The following PTPN13 variants were observed in gnomAD, a reference collection of about 807,000 sequenced individuals.
The protein encoded by PTPN13 is protein tyrosine phosphatase non-receptor type 13, also known as tyrosine-protein phosphatase non-receptor type 13.
A neutral mutation model predicts 284.0 loss-of-function variants in PTPN13; 191 were observed. The ratio of observed to expected loss-of-function variants is 0.67; its 90% confidence interval spans 0.60 to 0.76. The LOEUF is 0.76. PTPN13 is among the 30% of genes least tolerant of loss of function. PTPN13 has a pLI of 0.00. For missense variants in PTPN13, 2,797 were observed against 2,939.9 expected, an observed-to-expected ratio of 0.95 and a Z score of 1.12; for synonymous variants, 986 against 1,022.3, an observed-to-expected ratio of 0.96 and a Z score of 0.68.
chr4:86,814,574 A>T lies in PTPN13; in HGVS notation c.*23A>T, dbSNP rs1383892875. The stretch of plus-strand genomic sequence containing the variant: ...TGACATGAAAAGAGCCTCTGGATGC[A>T]TTTCCATTTCTCTCCTTAACCTCCA... On this transcript the variant is annotated 3_prime_UTR_variant, in exon 48 of 48. Coordinates refer to ENST00000411767, the MANE Select transcript of PTPN13 (RefSeq NM_080683.3). The T allele has an allele frequency of 6.4e-7, 1 of 1,564,116 alleles. No homozygotes were observed. Among genetic ancestry groups the T allele is most frequent in the Non-Finnish European group, 8.8e-7 (1 of 1,135,626 alleles).
At chr4:86,812,127 G>A (rs1407327854) in intron 47 of PTPN13, among the ~76,000 whole-genome samples, 2 of 151,494 alleles carry the variant, frequency 1.3e-5, no homozygotes, top group African/African-American at 2.4e-5. Flanking sequence ...CGGCTAAAAC[G>A]GTGAAACCCC....
chr4:86,731,650 T>C (rs747855442), intron 10 of PTPN13, among the ~76,000 whole-genome samples: 2 of 152,196 alleles, frequency 1.3e-5, no homozygotes, highest in African/African-American at 4.8e-5. Flanking sequence ...TGTTTGCTTT[T>C]AATTTTTTTT....
chr4:86,732,366 T>C, intron 10 of PTPN13, 34 bp from the exon 11 acceptor site: 1 of 1,470,118 alleles, frequency 6.8e-7, no homozygotes, highest in Non-Finnish European at 9.2e-7. Flanking sequence ...GAATAAATAG[T>C]AAAAAATATT....
intron 39 of PTPN13, among the ~76,000 whole-genome samples, 177 bp from the exon 40 acceptor site, chr4:86,785,671 C>A (rs13109164): frequency 0.1 from 15,152 of 152,106 alleles, 876 homozygotes; most frequent in Non-Finnish European, 0.11. Context: ...ATAATTTTAA[C>A]CAGAAATTTT....
At chr4:86,612,811 C>T (rs184439066) in intron 1 of PTPN13, among the ~76,000 whole-genome samples, 163 of 152,286 alleles carry the variant, frequency 1.1e-3, no homozygotes, top group Non-Finnish European at 1.2e-3. Flanking sequence ...AAGAAGAAGG[C>T]ATAGTGACAT....
At chr4:86,612,716 G>A (rs1379409942) in intron 1 of PTPN13, among the ~76,000 whole-genome samples, 1 of 152,196 alleles carries the variant, frequency 6.6e-6, no homozygotes, top group African/African-American at 2.4e-5. Flanking sequence ...AAGCGAGCAT[G>A]TGGGACAGAG....
chr4:86,727,558 A>G lies in PTPN13; in HGVS notation c.1609-4842A>G, dbSNP rs942210768. Among the ~76,000 whole-genome samples the G allele has an allele frequency of 4.7e-5, 7 of 149,486 alleles. 1 individual carries two copies. In the South Asian group the frequency reaches 6.3e-4, roughly 13 times the overall value. On this transcript the variant is annotated intron_variant, in intron 10 of 47. Transcript: ENST00000411767. ...TAGTCTTGGGAGGGTGTATGTGTCC[A>G]GGAATTCATCCATTTCTTCTAGATT...
At chr4:86,688,542 A>G (rs1729673447) in intron 4 of PTPN13, among the ~76,000 whole-genome samples, 1 of 152,060 alleles carries the variant, frequency 6.6e-6, no homozygotes. Context: ...TTATATTTAA[A>G]TGGTCTTGAA....
intron 28 of PTPN13, among the ~76,000 whole-genome samples, chr4:86,768,602 AAAT>A (rs1739595707): frequency 1.3e-5 from 2 of 152,174 alleles, no homozygotes; most frequent in African/African-American, 4.8e-5. Context: ...TCAGTCCCCA[AAAT>A]AATGAGAAAA....
intron 7 of PTPN13, among the ~76,000 whole-genome samples, chr4:86,707,138 G>A (rs1416537062): frequency 7.0e-6 from 1 of 143,322 alleles, no homozygotes; most frequent in South Asian, 2.1e-4. Context: ...TGAGTACAGA[G>A]TGAGCAGTAC....
At chr4:86,705,997 C>A (rs1731727615) in intron 7 of PTPN13, among the ~76,000 whole-genome samples, 1 of 152,124 alleles carries the variant, frequency 6.6e-6, no homozygotes, top group South Asian at 2.1e-4. Context: ...TTAACCCAGG[C>A]CCCATTCTCT....
rs1481533411 is a variant in PTPN13 at position 86,750,857 on chromosome 4, A to G, written c.3038A>G (p.Glu1013Gly). ...PSHQMSRSDA[E>G]SLAGVTKLNN... is the part of the protein sequence containing the mutation. ...CACCAGATGTCAAGATCTGATGCAG[A>G]ATCTTTGGCAGGAGTGACAAAACTT... The change falls in exon 18 of 48, where the codon GAA becomes GGA. Residue 1013 changes from glutamate (E) to glycine (G), a missense_variant. Glu to Gly is a moderately conservative substitution (Grantham distance 98). Coordinates refer to ENST00000411767, the MANE Select transcript of PTPN13 (RefSeq NM_080683.3). 6.2e-7 allele frequency: 1 copy of G among 1,613,724 alleles called. No homozygotes were observed. Among genetic ancestry groups the G allele is most frequent in the South Asian group, 1.1e-5 (1 of 90,946 alleles).
At chr4:86,754,210 G>A (rs758285230) in intron 20 of PTPN13, among the ~76,000 whole-genome samples, 5 of 151,798 alleles carry the variant, frequency 3.3e-5, no homozygotes, top group Admixed American at 1.3e-4. Flanking sequence ...ATGTATCCTC[G>A]AAAAATATGA....
chr4:86,712,317 G>C (rs1732503868), intron 7 of PTPN13, among the ~76,000 whole-genome samples: 1 of 151,112 alleles, frequency 6.6e-6, no homozygotes, highest in African/African-American at 2.4e-5. Context: ...ACTTCTATCT[G>C]GTTAGTGCCT....
At chr4:86,701,111 C>G (rs534802404) in intron 6 of PTPN13, 130 bp from the exon 7 acceptor site, 1 of 639,232 alleles carries the variant, frequency 1.6e-6, no homozygotes, top group African/African-American at 1.8e-5. Context: ...CATCACCATC[C>G]CATTTCACCT....
At chr4:86,618,690 T>C (rs1048514336) in intron 1 of PTPN13, among the ~76,000 whole-genome samples, 1 of 152,212 alleles carries the variant, frequency 6.6e-6, no homozygotes, top group African/African-American at 2.4e-5. Flanking sequence ...TTTGAAGCAA[T>C]TTTGAATGGG....
At position 86,769,941 on chromosome 4, in the gene PTPN13, C is replaced by G. The variant is rs778354190; in HGVS notation, c.4662C>G (p.Ile1554Met). ...ESGKIDVGDVILKVNGASLKG... is the reference protein window; with the variant it reads ...ESGKIDVGDVMLKVNGASLKG... ...GAAAAATTGATGTAGGAGATGTTAT[C>G]TTGAAAGTGAATGGAGCCTCTTTGA... Residue 1554 changes from isoleucine to methionine, a missense_variant, in exon 29 of 48, where the codon ATC (isoleucine) becomes ATG (methionine). Physicochemically the swap from Ile to Met is conservative, Grantham distance 10. Coordinates refer to ENST00000411767, the MANE Select transcript of PTPN13 (RefSeq NM_080683.3). 1.2e-6 allele frequency: 2 copies of G among 1,613,962 alleles called. No homozygotes were observed. The highest frequency in any genetic ancestry group is 2.2e-5 in the South Asian group (2 of 91,080).
chr4:86,740,959 T>TCCAGTTCCCAA (rs1736108333), intron 15 of PTPN13, among the ~76,000 whole-genome samples: 1 of 151,806 alleles, frequency 6.6e-6, no homozygotes, highest in African/African-American at 2.4e-5. Flanking sequence ...TCACCTCTGC[T>TCCAGTTCCCAA]CCAGTTCCCA....
At chr4:86,765,345 G>A in intron 25 of PTPN13, 50 bp from the exon 26 acceptor site, 1 of 1,443,226 alleles carries the variant, frequency 6.9e-7, no homozygotes, top group South Asian at 1.2e-5. Flanking sequence ...TTGAAAGAGA[G>A]TGCAAAATTT....
Sources: allele counts gnomAD v4.1 joint callset (sites outside exome capture counted in the v4.1 genomes callset), GRCh38; gene constraint gnomAD v4.1.1; transcripts MANE v1.5; gene names NCBI Gene and HGNC (gene_info 2026-07-23, HGNC 2026-07-21).